The following EIF5B variants were observed in gnomAD, a reference collection of about 807,000 sequenced individuals.
EIF5B encodes eukaryotic translation initiation factor 5B.
EIF5B carries 47 observed loss-of-function variants against 147.5 expected under a neutral mutation model. That is an observed-to-expected ratio of 0.32 (90% CI 0.25 to 0.41). The LOEUF is 0.41. EIF5B is among the 10% of genes least tolerant of loss of function. EIF5B has a pLI of 1.00. For synonymous variants in EIF5B, 455 were observed against 456.2 expected, an observed-to-expected ratio of 1.00 and a Z score of 0.03; for missense variants, 1,064 against 1,413.2, an observed-to-expected ratio of 0.75 and a Z score of 3.96.
intron 15 of EIF5B, 118 bp downstream of exon 15, chr2:99,389,967 CT>C: frequency 3.7e-6 from 5 of 1,364,838 alleles, no homozygotes; most frequent in Non-Finnish European, 5.0e-6. Flanking sequence ...ACAGCAATTA[CT>C]TTTTTTAAAT....
intron 4 of EIF5B, among the ~76,000 whole-genome samples, chr2:99,363,085 T>C (rs1674254403): frequency 6.6e-6 from 1 of 152,198 alleles, no homozygotes; most frequent in South Asian, 2.1e-4. Flanking sequence ...GCATATTTAT[T>C]ATCTGGATAT....
In EIF5B at chr2:99,337,406, T is replaced by G; in HGVS notation, c.-149T>G. 2.1e-6 allele frequency: 2 copies of G among 963,578 alleles called. No homozygotes were observed. Among genetic ancestry groups the G allele is most frequent in the Non-Finnish European group, 3.2e-6 (2 of 616,382 alleles). 59.7% of individuals were successfully genotyped at this position (963,578 alleles called of 1,614,324 possible). On this transcript the variant is annotated 5_prime_UTR_variant, in exon 1 of 24. Coordinates refer to ENST00000289371, the MANE Select transcript of EIF5B (RefSeq NM_015904.4). ...GAGAACTCACACCATATGTGTCCTG[T>G]TCCAGTGCGCGGGTCTGTGGAGAGC...
In EIF5B at chr2:99,399,784, T is replaced by C. The variant is rs1280575604; in HGVS notation, c.*370T>C. 1 of 158,538 alleles carries C rather than the reference T, an allele frequency of 6.3e-6. No homozygotes were observed. Among genetic ancestry groups the C allele is most frequent in the Non-Finnish European group, 1.4e-5 (1 of 71,738 alleles). The allele number at this position is 158,538 out of a possible 1,614,324, so 9.8% of individuals were successfully genotyped here. On this transcript the variant is annotated 3_prime_UTR_variant, in exon 24 of 24. Transcript: ENST00000289371. ...ACTGCAGTATTTGATTAACCAAGCT[T>C]CTGCAGATTTTGTGATTCTTGGGAC...
At chr2:99,361,877 T>G in intron 4 of EIF5B, 57 bp downstream of exon 4, 1 of 1,434,280 alleles carries the variant, frequency 7.0e-7, no homozygotes, top group Non-Finnish European at 9.1e-7. Flanking sequence ...GTATAAGTTG[T>G]AATCATTGTG....
chr2:99,361,844 G>T, intron 4 of EIF5B, 24 bp downstream of exon 4: 1 of 1,494,478 alleles, frequency 6.7e-7, no homozygotes. Flanking sequence ...TTAGAGGAAA[G>T]AGCAAAAGGC....
intron 1 of EIF5B, among the ~76,000 whole-genome samples, chr2:99,348,707 C>T (rs1297620929): frequency 6.6e-6 from 1 of 152,190 alleles, no homozygotes; most frequent in African/African-American, 2.4e-5. Context: ...AGGGCAGCAA[C>T]AGTGTTATAT....
intron 14 of EIF5B, among the ~76,000 whole-genome samples, chr2:99,384,327 A>G (rs1674755095): frequency 9.4e-6 from 1 of 106,480 alleles, no homozygotes; most frequent in South Asian, 3.4e-4. Flanking sequence ...CCAACTGCTC[A>G]GAGAAAAAGA....
chr2:99,349,643 A>C (rs1352514188), intron 1 of EIF5B, among the ~76,000 whole-genome samples: 1 of 152,198 alleles, frequency 6.6e-6, no homozygotes, highest in African/African-American at 2.4e-5. Context: ...TACTGTTTTT[A>C]TACAACTGGA....
rs539925705 is a variant in EIF5B at position 99,361,523 on chromosome 2, C to T, written c.622C>T (p.Pro208Ser). ...KGQKKNQKNK[P>S]GPNIESGNED... is the part of the protein sequence containing the mutation. Reference sequence around the variant, plus strand: ...ACAGAAAAAAAATCAGAAAAACAAGCCAGGTCCTAACATAGAAAGTGGGAA... The same window carrying T: ...ACAGAAAAAAAATCAGAAAAACAAGTCAGGTCCTAACATAGAAAGTGGGAA... Residue 208 changes from proline (P) to serine (S), a missense_variant, in exon 4 of 24, where the codon CCA (proline) becomes TCA (serine). Physicochemically the swap from Pro to Ser is moderately conservative, Grantham distance 74. Coordinates refer to ENST00000289371, the MANE Select transcript of EIF5B (RefSeq NM_015904.4). 1.9e-6 allele frequency: 3 copies of T among 1,613,768 alleles called. No individual in the cohort carries two copies. The highest frequency in any genetic ancestry group is 1.7e-5 in the Admixed American group (1 of 59,968).
At chr2:99,352,246 A>G in intron 1 of EIF5B, among the ~76,000 whole-genome samples, 1 of 151,764 alleles carries the variant, frequency 6.6e-6, no homozygotes, top group East Asian at 1.9e-4. Flanking sequence ...CTCAGGCTGG[A>G]GTGCAATGGT....
intron 1 of EIF5B, among the ~76,000 whole-genome samples, chr2:99,351,136 A>G (rs924469915): frequency 6.6e-6 from 1 of 152,186 alleles, no homozygotes; most frequent in African/African-American, 2.4e-5. Flanking sequence ...TGTAGTTTTC[A>G]TGTTTTATTT....
intron 14 of EIF5B, among the ~76,000 whole-genome samples, chr2:99,386,401 T>TTGTA (rs1574938442): frequency 6.6e-6 from 1 of 152,192 alleles, no homozygotes; most frequent in African/African-American, 2.4e-5. Flanking sequence ...CCTTTTTCAC[T>TTGTA]TGTATGTACT....
intron 1 of EIF5B, among the ~76,000 whole-genome samples, chr2:99,351,687 G>GT (rs78415551): frequency 0.14 from 21,339 of 148,934 alleles, 1,660 homozygotes; most frequent in East Asian, 0.25. Context: ...ATATCATTGT[G>GT]TTTTTTTTTT....
At chr2:99,345,359 A>G (rs914566744) in intron 1 of EIF5B, among the ~76,000 whole-genome samples, 1 of 152,034 alleles carries the variant, frequency 6.6e-6, no homozygotes, top group African/African-American at 2.4e-5. Flanking sequence ...TTGGGAGGCC[A>G]TGGCGGGTGG....
intron 1 of EIF5B, among the ~76,000 whole-genome samples, chr2:99,354,179 A>G (rs1574921592): frequency 6.6e-6 from 1 of 152,194 alleles, no homozygotes; most frequent in East Asian, 1.9e-4. Flanking sequence ...GTTCCTTTCT[A>G]TCCTTACCAG....
At chr2:99,374,719 A>G (rs4851204) in intron 9 of EIF5B, among the ~76,000 whole-genome samples, 66,418 of 151,960 alleles carry the variant, frequency 0.44, 14,797 homozygotes, top group Admixed American at 0.57. Flanking sequence ...CAGCAGTTTT[A>G]TCATGACGTA....
intron 14 of EIF5B, among the ~76,000 whole-genome samples, chr2:99,387,531 C>CACT (rs1168493573): frequency 1.3e-5 from 2 of 152,124 alleles, no homozygotes; most frequent in African/African-American, 4.8e-5. Context: ...ATTCCTATGC[C>CACT]ACTACTACCC....
intron 1 of EIF5B, among the ~76,000 whole-genome samples, chr2:99,342,691 G>GT (rs1231387475): frequency 6.6e-6 from 1 of 151,912 alleles, no homozygotes; most frequent in African/African-American, 2.4e-5. Flanking sequence ...GAGTGCAATG[G>GT]TGTGATCATC....
In EIF5B at chr2:99,379,366, C is replaced by G. The variant is rs770757774; in HGVS notation, c.1999C>G (p.Gln667Glu). The G allele has an allele frequency of 6.2e-7, 1 of 1,613,668 alleles. No homozygotes were observed. The highest frequency in any genetic ancestry group is 8.5e-7 in the Non-Finnish European group (1 of 1,179,720). ...QDGEAGGITQQIGATNVPLEA... is the reference protein window; with the variant it reads ...QDGEAGGITQEIGATNVPLEA... ...TGGTGAAGCAGGTGGTATCACACAA[C>G]AAATTGGGGCCACCAATGTTCCTCT... Residue 667 changes from glutamine to glutamate, a missense_variant, in exon 12 of 24, where the codon CAA becomes GAA. Physicochemically the swap from Gln to Glu is conservative, Grantham distance 29. This residue lies in a region of EIF5B where 380 missense variants were observed against 715.6 expected (regional missense o/e 0.53). Transcript: ENST00000289371.
Sources: allele counts gnomAD v4.1 joint callset (sites outside exome capture counted in the v4.1 genomes callset), GRCh38; gene constraint gnomAD v4.1.1; regional missense constraint gnomAD v4.1.1; transcripts MANE v1.5; gene names NCBI Gene and HGNC (gene_info 2026-07-23, HGNC 2026-07-21).